Variants in CAPN6 observed in about 807,000 individuals in gnomAD.
CAPN6 encodes the protein calpain 6.
In CAPN6, 16 loss-of-function variants were observed where a neutral mutation model predicts 46.0. The observed-to-expected ratio is 0.35, with a 90% CI of 0.24 to 0.53. The LOEUF (loss-of-function observed/expected upper bound fraction) is 0.53, where lower values mean the gene tolerates loss of function less well. Among genes scored for constraint, CAPN6 ranks in the 20% least tolerant of loss-of-function variants. The probability of loss-of-function intolerance (pLI) is 0.94; values close to 1 mark genes in which losing one functional copy is unlikely to be tolerated. For synonymous variants in CAPN6, 206 were observed against 172.8 expected, an observed-to-expected ratio of 1.19 and a Z score of -1.51; for missense variants, 461 against 498.0, an observed-to-expected ratio of 0.93 and a Z score of 0.71.
At chrX:111,267,101 G>C (rs985821140) in intron 1 of CAPN6, among the ~76,000 whole-genome samples, 1 of 111,991 alleles carries the variant, frequency 8.9e-6, no homozygotes, top group African/African-American at 3.3e-5. Context: ...GCACCCGATG[G>C]CGATGGGGAA....
chrX:111,262,206 C>T (rs1333134010), intron 2 of CAPN6, among the ~76,000 whole-genome samples: 2 of 112,295 alleles, frequency 1.8e-5, no homozygotes, highest in Admixed American at 9.4e-5. Flanking sequence ...ATGTCAATAA[C>T]TGCAGACACA....
chrX:111,247,628 G>A, intron 11 of CAPN6, 124 bp from the exon 12 acceptor site: 4 of 727,601 alleles, frequency 5.5e-6, no homozygotes, highest in South Asian at 5.8e-5. Context: ...CAGAATGACT[G>A]AGATTCAACA....
At chrX:111,249,945 G>T (rs777324179) in intron 8 of CAPN6, among the ~76,000 whole-genome samples, 7 of 110,690 alleles carry the variant, frequency 6.3e-5, no homozygotes, top group Non-Finnish European at 1.1e-4. Flanking sequence ...CTGAACTAAG[G>T]CCCCTAAGTT....
rs1279614210 is a variant in CAPN6 at position 111,251,181 on chromosome X, T to A, written c.971+28A>T. 3.3e-6 allele frequency: 4 copies of A among 1,203,969 alleles called. No homozygotes were observed. The South Asian group carries it at 7.1e-5, about 21-fold the overall frequency. On this transcript the variant is annotated intron_variant, in intron 7 of 12. Transcript: ENST00000324068. ...CTGTAGTTCCATGTAGAAGCCCCAA[T>A]TCCCTTAGTGCAGAAACCCCTCCTC...
intron 6 of CAPN6, 67 bp from the exon 7 acceptor site, chrX:111,251,353 G>A (rs1441990393): frequency 9.4e-7 from 1 of 1,059,480 alleles, no homozygotes; most frequent in Non-Finnish European, 1.3e-6. Flanking sequence ...CTTGTAGTAA[G>A]TAGGATGCCA....
chrX:111,258,172 C>A (rs2094985290), intron 2 of CAPN6, among the ~76,000 whole-genome samples: 1 of 111,757 alleles, frequency 8.9e-6, no homozygotes, highest in African/African-American at 3.3e-5. Flanking sequence ...CCTACCACAT[C>A]CAAATTCAGC....
chrX:111,247,771 A>C (rs1438702865), intron 11 of CAPN6, 100 bp downstream of exon 11: 1 of 1,057,758 alleles, frequency 9.5e-7, no homozygotes, highest in African/African-American at 1.9e-5. Context: ...TTCTCTAGAC[A>C]AAATATCGCT....
In CAPN6 at chrX:111,259,469, C is replaced by T. The variant is rs191416793; in HGVS notation, c.165+4303G>A. Among the ~76,000 whole-genome samples the T allele has an allele frequency of 2.7e-5, 3 of 112,028 alleles. No individual in the cohort carries two copies. In the Admixed American group the frequency reaches 2.8e-4, roughly 11 times the overall value. The stretch of plus-strand genomic sequence containing the variant: ...GAAAAGTGTTTCTTTCCTTACGGTT[C>T]CCTCATATGCTGTCACCCAAGCCTG... On this transcript the variant is annotated intron_variant, in intron 2 of 12. Coordinates refer to ENST00000324068, the MANE Select transcript of CAPN6 (RefSeq NM_014289.4).
At position 111,246,397 on chromosome X, in the gene CAPN6, G is replaced by A. The variant is rs1603408037; in HGVS notation, c.*180C>T. 4.4e-6 allele frequency: 2 copies of A among 449,708 alleles called. No homozygotes were observed. The highest frequency in any genetic ancestry group is 7.5e-5 in the East Asian group (2 of 26,716). 37.1% of individuals were successfully genotyped at this position (449,708 alleles called of 1,213,427 possible). A position where few individuals can be genotyped will look rare whatever the true frequency, so the allele number is the denominator to read the frequency against. ...CATGTCCAGCTGCTGGAGGTATATA[G>A]GTTATGTAGCTACAGATGCTACTTG... is the stretch of plus-strand genomic sequence containing the variant. On this transcript the variant is annotated 3_prime_UTR_variant, in exon 13 of 13. Coordinates refer to ENST00000324068, the MANE Select transcript of CAPN6 (RefSeq NM_014289.4).
In CAPN6 at chrX:111,251,265, C is replaced by G; in HGVS notation, c.915G>C (p.Leu305=). 2 of 1,201,891 alleles carry G rather than the reference C, an allele frequency of 1.7e-6. No individual in the cohort carries two copies. Among genetic ancestry groups the G allele is most frequent in the Non-Finnish European group, 2.2e-6 (2 of 890,976 alleles). The change falls in exon 7 of 13, where the codon CTG becomes CTC. Residue 305 remains leucine, a synonymous_variant. Coordinates refer to ENST00000324068, the MANE Select transcript of CAPN6 (RefSeq NM_014289.4). The stretch of plus-strand genomic sequence containing the variant: ...CCAGGTTCTTGCGATCTGATGCAGT[C>G]AGTTGCTGCCACTCTTCAGAACTGA... The part of the protein sequence containing the change: ...WSEISEEWQQ[L]TASDRKNLGL...
chrX:111,251,682 A>T lies in CAPN6; in HGVS notation c.760T>A (p.Tyr254Asn). Residue 254 changes from tyrosine to asparagine, a missense_variant, in exon 6 of 13, where the codon TAT (tyrosine) becomes AAT (asparagine). Transcript: ENST00000324068. ...TDWGLLKGHT[Y>N]TMTDIRKIRL... The stretch of plus-strand genomic sequence containing the variant: ...ATTTTGCGAATATCAGTCATGGTAT[A>T]GGTATGGCCCTTCAGCAGACCCCAA... 8.3e-7 allele frequency: 1 copy of T among 1,210,609 alleles called. No homozygotes were observed. The highest frequency in any genetic ancestry group is 1.7e-5 in the African/African-American group (1 of 57,806).
chrX:111,262,459 T>C (rs2094988619), intron 2 of CAPN6, among the ~76,000 whole-genome samples: 1 of 111,843 alleles, frequency 8.9e-6, no homozygotes, highest in Admixed American at 9.5e-5. Flanking sequence ...CTAAAAGTGA[T>C]AGTTGGTAAA....
chrX:111,246,654 C>T lies in CAPN6; in HGVS notation c.1849G>A (p.Gly617Ser). The stretch of plus-strand genomic sequence containing the variant: ...TGCTTGACTTTGGCAGTTGGACCAC[C>T]CTTCTTACGCAGGTACAGAGACTTC... ...DLKSLYLRKK[G>S]GPTAKVKQGH... Residue 617 changes from glycine to serine, a missense_variant, in exon 13 of 13, where the codon GGT becomes AGT. Gly to Ser is a moderately conservative substitution (Grantham distance 56). Transcript: ENST00000324068. 1 of 1,210,324 alleles carries T rather than the reference C, an allele frequency of 8.3e-7. No homozygotes were observed. Among genetic ancestry groups the T allele is most frequent in the Non-Finnish European group, 1.1e-6 (1 of 894,546 alleles).
At position 111,247,451 on chromosome X, in the gene CAPN6, C is replaced by T; in HGVS notation, c.1660G>A (p.Val554Ile). The change falls in exon 12 of 13, where the codon GTC becomes ATC. Residue 554 changes from valine to isoleucine, a missense_variant. Physicochemically the swap from Val to Ile is conservative, Grantham distance 29. Transcript: ENST00000324068. ...KCGKEEVRSP[V>I]QKNTVHAIFD... ...ATGGCATGAACTGTATTCTTCTGGA[C>T]AGGAGAACGGACTTCCTCCTTTCCA... 1 of 1,207,194 alleles carries T rather than the reference C, an allele frequency of 8.3e-7. No homozygotes were observed.
intron 12 of CAPN6, among the ~76,000 whole-genome samples, chrX:111,247,155 C>T (rs770236634): frequency 9.0e-6 from 1 of 111,211 alleles, no homozygotes; most frequent in Non-Finnish European, 1.9e-5. Flanking sequence ...GGCTTTTGCC[C>T]ACAATTAAAT....
chrX:111,254,475 G>A, intron 2 of CAPN6, 72 bp from the exon 3 acceptor site: 2 of 816,385 alleles, frequency 2.4e-6, no homozygotes, highest in East Asian at 3.2e-5. Context: ...GCTGAACTAG[G>A]CAGGACAGCC....
Position 111,252,408 on chromosome X carries a change from G to T in CAPN6, c.598C>A (p.Gln200Lys). ...TGTLAETVDMQKGRYTELVEE... is the reference protein window; with the variant it reads ...TGTLAETVDMKKGRYTELVEE... ...ACAAGCTCAGTGTATCTTCCTTTCT[G>T]CATGTCAACAGTTTCAGCCAATGTG... The change falls in exon 5 of 13, where the codon CAG (glutamine) becomes AAG (lysine). Residue 200 changes from glutamine (Q) to lysine (K), a missense_variant. Physicochemically the swap from Gln to Lys is moderately conservative, Grantham distance 53. Coordinates refer to ENST00000324068, the MANE Select transcript of CAPN6 (RefSeq NM_014289.4). 8.3e-7 allele frequency: 1 copy of T among 1,209,343 alleles called. No individual in the cohort carries two copies. Among genetic ancestry groups the T allele is most frequent in the Non-Finnish European group, 1.1e-6 (1 of 893,463 alleles).
intron 1 of CAPN6, among the ~76,000 whole-genome samples, chrX:111,267,572 A>T (rs2094992897): frequency 9.0e-6 from 1 of 111,357 alleles, no homozygotes; most frequent in Non-Finnish European, 1.9e-5. Flanking sequence ...GTGAAAGCAA[A>T]ATCTCTTGCT....
chrX:111,263,449 C>G (rs1403376504), intron 2 of CAPN6, among the ~76,000 whole-genome samples: 1 of 111,185 alleles, frequency 9.0e-6, no homozygotes, highest in Non-Finnish European at 1.9e-5. Flanking sequence ...ATTCAGGACT[C>G]CAAGCTAGAG....
Sources: allele counts gnomAD v4.1 joint callset (sites outside exome capture counted in the v4.1 genomes callset), GRCh38; gene constraint gnomAD v4.1.1; transcripts MANE v1.5; gene names NCBI Gene and HGNC (gene_info 2026-07-23, HGNC 2026-07-21).